The following EIF4G2 variants were observed in gnomAD, a reference collection of about 807,000 sequenced individuals.
The protein encoded by EIF4G2 is eukaryotic translation initiation factor 4 gamma 2.
In EIF4G2, 8 loss-of-function variants were observed where a neutral mutation model predicts 117.7. The observed-to-expected ratio is 0.07, with a 90% CI of 0.04 to 0.12. The LOEUF is 0.12. Ranked by LOEUF, EIF4G2 falls within the 10% of genes least tolerant of loss-of-function variation. The pLI is 1.00. For synonymous variants in EIF4G2, 413 were observed against 367.8 expected (o/e 1.12, Z -1.41); for missense variants, 812 against 1,086.2 (o/e 0.75, Z 3.55).
chr11:10,808,430 C>T lies in EIF4G2; in HGVS notation c.-87+275G>A, dbSNP rs942044647. 44 of 1,261,470 alleles carry T rather than the reference C, an allele frequency of 3.5e-5. No individual in the cohort carries two copies. In the Admixed American group the frequency reaches 1.1e-3, roughly 31 times the overall value. 78.1% of individuals were successfully genotyped at this position (1,261,470 alleles called of 1,614,324 possible). ...GTCCGAGCACAGCCGTGCCTCGGTC[C>T]GCCACGGCCTCGTCCCTGCAGGCGT... On this transcript the variant is annotated intron_variant, in intron 1 of 21. Coordinates refer to ENST00000339995, the MANE Select transcript of EIF4G2 (RefSeq NM_001418.4).
At position 10,800,579 on chromosome 11, in the gene EIF4G2, C is replaced by T; in HGVS notation, c.1713G>A (p.Met571Ile). ...CAGGAAGAAAGTGTTTAGGAGCCCT[C>T]ATTTCTCTTACACCATTGACAGCCT... Residue 571 changes from methionine to isoleucine, a missense_variant, in exon 17 of 22, where the codon ATG (methionine) becomes ATA (isoleucine). Met to Ile is a conservative substitution (Grantham distance 10). Transcript: ENST00000339995. The T allele has an allele frequency of 6.2e-7, 1 of 1,614,160 alleles. No individual in the cohort carries two copies. Among genetic ancestry groups the T allele is most frequent in the Non-Finnish European group, 8.5e-7 (1 of 1,180,034 alleles).
chr11:10,806,174 A>C (rs949485921), intron 3 of EIF4G2, 127 bp from the exon 4 acceptor site: 17 of 1,277,326 alleles, frequency 1.3e-5, no homozygotes, highest in Non-Finnish European at 1.8e-5. Flanking sequence ...CCAACTCTGG[A>C]AATTAGTGCT....
chr11:10,800,203 G>T lies in EIF4G2; in HGVS notation c.2006C>A (p.Thr669Asn), dbSNP rs201263738. Reference sequence around the variant, plus strand: ...ACAAAGTAGGAAGAGAGGAAAATGGGTGCCACTTTCTAGTGGTTGAGCTAG... The same window carrying T: ...ACAAAGTAGGAAGAGAGGAAAATGGTTGCCACTTTCTAGTGGTTGAGCTAG... Residue 669 changes from threonine to asparagine, a missense_variant, in exon 18 of 22, where the codon ACC becomes AAC. Thr to Asn is a moderately conservative substitution (Grantham distance 65). Coordinates refer to ENST00000339995, the MANE Select transcript of EIF4G2 (RefSeq NM_001418.4). 9.3e-6 allele frequency: 15 copies of T among 1,614,144 alleles called. No homozygotes were observed. Among genetic ancestry groups the T allele is most frequent in the Non-Finnish European group, 1.2e-5 (14 of 1,180,012 alleles).
chr11:10,804,575 G>A, intron 5 of EIF4G2, 157 bp from the exon 6 acceptor site: 2 of 929,922 alleles, frequency 2.2e-6, no homozygotes, highest in Non-Finnish European at 3.1e-6. Flanking sequence ...CTGGGAGTCA[G>A]AAAATGCCAT....
In EIF4G2 at chr11:10,806,609, A is replaced by C. The variant is rs551782927; in HGVS notation, c.107+211T>G. On this transcript the variant is annotated intron_variant, in intron 3 of 21. Transcript: ENST00000339995. ...AGTAAAAATAACCCAAAGAATAAGG[A>C]AAAAAATAACAGCTTGAGAGTCTCA... 131 of 535,312 alleles carry C rather than the reference A, an allele frequency of 2.4e-4. 1 individual carries two copies. The highest frequency in any genetic ancestry group is 2.0e-3 in the Middle Eastern group (4 of 1,982). The allele number at this position is 535,312 out of a possible 1,614,324, so 33.2% of individuals were successfully genotyped here.
rs749966549 is a variant in EIF4G2, at chr11:10,801,097, A to T, written c.1414-10T>A. 6.2e-7 allele frequency: 1 copy of T among 1,613,796 alleles called. No individual in the cohort carries two copies. ...CAGGCCTCAGGCTAATCTGGAATTG[A>T]AAACAAAATATATCTAAATTAACAA... On this transcript the variant is annotated splice_polypyrimidine_tract_variant and intron_variant, in intron 14 of 21. Coordinates refer to ENST00000339995, the MANE Select transcript of EIF4G2 (RefSeq NM_001418.4).
intron 11 of EIF4G2, 50 bp from the exon 12 acceptor site, chr11:10,802,485 C>T: frequency 6.7e-7 from 1 of 1,485,656 alleles, no homozygotes; most frequent in Non-Finnish European, 8.9e-7. Flanking sequence ...CACTATTTCA[C>T]TTAAAACTAA....
At position 10,804,606 on chromosome 11, in the gene EIF4G2, C is replaced by G. The variant is rs79662453; in HGVS notation, c.352-188G>C. ...GCCATGGATATCAAAACTTTCAAGT[C>G]TACATAAACTGTCATACAATGCATT... On this transcript the variant is annotated intron_variant, in intron 5 of 21. Transcript: ENST00000339995. 1,667 of 717,862 alleles carry G rather than the reference C, an allele frequency of 2.3e-3. 25 individuals are homozygous for G. The African/African-American group carries it at 0.027, about 12-fold the overall frequency. 44.5% of individuals were successfully genotyped at this position (717,862 alleles called of 1,614,324 possible). A position where few individuals can be genotyped will look rare whatever the true frequency, so the allele number is the denominator to read the frequency against.
Position 10,797,086 on chromosome 11 carries a change from G to A in EIF4G2, c.*730C>T, listed in dbSNP as rs1179339573. The stretch of plus-strand genomic sequence containing the variant: ...TCACAATGTTTATTGATAGATACAA[G>A]TATATAAAATCAGGGCATGAACATG... On this transcript the variant is annotated 3_prime_UTR_variant, in exon 22 of 22. Coordinates refer to ENST00000339995, the MANE Select transcript of EIF4G2 (RefSeq NM_001418.4). This position sits in a 1 kb window ranked among gnomAD's most constrained non-coding sequence, Gnocchi z 4.5. 6.6e-6 allele frequency: 1 copy of A among 152,534 alleles called. No individual in the cohort carries two copies. The highest frequency in any genetic ancestry group is 1.5e-5 in the Non-Finnish European group (1 of 68,020). The allele number at this position is 152,534 out of a possible 1,614,324, so 9.4% of individuals were successfully genotyped here.
At chr11:10,805,590 C>T (rs1847544547) in intron 4 of EIF4G2, among the ~76,000 whole-genome samples, 1 of 151,990 alleles carries the variant, frequency 6.6e-6, no homozygotes, top group Non-Finnish European at 1.5e-5. Context: ...GTAGCTGGGA[C>T]TACAGGCGCC....
chr11:10,808,295 G>A (rs1847653016), intron 1 of EIF4G2: 10 of 1,216,790 alleles, frequency 8.2e-6, no homozygotes, highest in African/African-American at 1.7e-5. Flanking sequence ...CGGGAGGCCA[G>A]GCTCCGGGAC....
chr11:10,800,536 T>A lies in EIF4G2; in HGVS notation c.1756A>T (p.Ile586Phe), dbSNP rs749678055. 9.9e-6 allele frequency: 16 copies of A among 1,614,078 alleles called. No individual in the cohort carries two copies. The Admixed American group carries it at 1.5e-4, about 15-fold the overall frequency. Residue 586 changes from isoleucine (I) to phenylalanine (F), a missense_variant, in exon 17 of 22, where the codon ATC becomes TTC. Coordinates refer to ENST00000339995, the MANE Select transcript of EIF4G2 (RefSeq NM_001418.4). ...TCGCTTCTATCTAGTGACAGGATGA[T>A]TACTTTGCTTAACATCTCAGGAAGA...
Position 10,807,247 on chromosome 11 carries a change from A to G in EIF4G2, c.41+8T>C. 1.2e-6 allele frequency: 2 copies of G among 1,607,540 alleles called. No homozygotes were observed. The highest frequency in any genetic ancestry group is 8.5e-7 in the Non-Finnish European group (1 of 1,178,116). On this transcript the variant is annotated splice_region_variant and intron_variant, in intron 2 of 21. Coordinates refer to ENST00000339995, the MANE Select transcript of EIF4G2 (RefSeq NM_001418.4). ...CAAAAGGATTCCCCAAAATAAATCT[A>G]CAAGTACCTGAAACGAGAAGCACCC...
intron 1 of EIF4G2, 97 bp downstream of exon 1, chr11:10,808,608 G>C: frequency 3.1e-6 from 2 of 650,862 alleles, no homozygotes; most frequent in South Asian, 4.7e-5. Flanking sequence ...ACCCGGCTCC[G>C]CCTGCGGCCG....
At position 10,803,003 on chromosome 11, in the gene EIF4G2, GACAA is replaced by G; in HGVS notation, c.996+23_996+26del. The G allele has an allele frequency of 1.9e-6, 3 of 1,597,528 alleles. No homozygotes were observed. Among genetic ancestry groups the G allele is most frequent in the African/African-American group, 1.3e-5 (1 of 74,566 alleles). Reference sequence around the variant, plus strand: ...TATTCTACACACACAGAGTCTATGTGACAAACAAAACAAAACCCAATCTTACTTT... The same window carrying G: ...TATTCTACACACACAGAGTCTATGTGACAAAACAAAACCCAATCTTACTTT... On this transcript the variant is annotated intron_variant, in intron 11 of 21. Coordinates refer to ENST00000339995, the MANE Select transcript of EIF4G2 (RefSeq NM_001418.4). The surrounding 1 kb of genome is among the most constrained non-coding windows in gnomAD (Gnocchi z 4.0).
intron 15 of EIF4G2, 23 bp from the exon 16 acceptor site, chr11:10,800,858 CTT>C: frequency 6.2e-7 from 1 of 1,612,204 alleles, no homozygotes; most frequent in African/African-American, 1.3e-5. Context: ...CAATGACAGA[CTT>C]TTTTTAAAAA....
intron 3 of EIF4G2, chr11:10,806,522 C>A (rs973205167): frequency 2.4e-5 from 9 of 382,366 alleles, no homozygotes; most frequent in Non-Finnish European, 3.8e-5. Context: ...ATGTTGAGTG[C>A]GTACTACTTT....
chr11:10,803,117 C>G lies in EIF4G2; in HGVS notation c.909G>C (p.Glu303Asp), dbSNP rs1302187099. Residue 303 changes from glutamate (E) to aspartate (D), a missense_variant, in exon 11 of 22, where the codon GAG becomes GAC. Coordinates refer to ENST00000339995, the MANE Select transcript of EIF4G2 (RefSeq NM_001418.4). The surrounding 1 kb of genome is among the most constrained non-coding windows in gnomAD (Gnocchi z 4.0). Reference sequence around the variant, plus strand: ...GAGGAACCCAATGGTGTTCTCGCAACTCTACGGTATCCTTTAATTGAAAAA... The same window carrying G: ...GAGGAACCCAATGGTGTTCTCGCAAGTCTACGGTATCCTTTAATTGAAAAA... 6.2e-7 allele frequency: 1 copy of G among 1,610,050 alleles called. No individual in the cohort carries two copies.
chr11:10,800,059 A>G (rs1051389824), intron 18 of EIF4G2, 31 bp downstream of exon 18: 1 of 1,599,128 alleles, frequency 6.3e-7, no homozygotes. Context: ...AATATTAAAA[A>G]AACAAAACAA....
Sources: gnomAD v4.1 joint callset for allele counts (sites outside exome capture counted in the v4.1 genomes callset) on GRCh38, gnomAD v4.1.1 for gene constraint, Gnocchi (gnomAD v3.1) non-coding constraint, MANE v1.5 for transcripts, NCBI Gene and HGNC (gene_info 2026-07-23, HGNC 2026-07-21) for gene names.